The following MED9 variants were observed in gnomAD, a reference collection of about 807,000 sequenced individuals.
MED9 encodes mediator of RNA polymerase II transcription subunit 9.
A neutral mutation model predicts 13.2 loss-of-function variants in MED9; 8 were observed. That is an observed-to-expected ratio of 0.61 (90% CI 0.36 to 1.10). The LOEUF is 1.10. Ranked by LOEUF, MED9 falls within the 50% of genes least tolerant of loss-of-function variation. The pLI, the probability that MED9 is intolerant of heterozygous loss-of-function variation, is 0.02. For synonymous variants in MED9, 87 were observed against 82.8 expected, an observed-to-expected ratio of 1.05 and a Z score of -0.28; for missense variants, 180 against 193.4, an observed-to-expected ratio of 0.93 and a Z score of 0.41.
In MED9 at chr17:17,492,299, A is replaced by T. The variant is rs1258041630; in HGVS notation, c.*804A>T. 1 of 152,346 alleles carries T rather than the reference A, an allele frequency of 6.6e-6. No homozygotes were observed. The highest frequency in any genetic ancestry group is 2.4e-5 in the African/African-American group (1 of 41,466). 9.4% of individuals were successfully genotyped at this position (152,346 alleles called of 1,614,324 possible). A position where few individuals can be genotyped will look rare whatever the true frequency, so the allele number is the denominator to read the frequency against. On this transcript the variant is annotated 3_prime_UTR_variant, in exon 2 of 2. Coordinates refer to ENST00000268711, the MANE Select transcript of MED9 (RefSeq NM_018019.3). ...TGACAAGGGGCCGTCCTTTCCACAC[A>T]GGCCAGAAGAGGTCTTCAGGCGAAC...
At chr17:17,485,267 ATACAAAAAAAAATTTTTTTTTTGTATTT>A (rs1597850991) in intron 1 of MED9, 1 of 398,254 alleles carries the variant, frequency 2.5e-6, no homozygotes, top group African/African-American at 2.1e-5. Flanking sequence ...CTTTGTAAAA[ATACAAAAAAAAATTTTTTTTTTGTATTT>A]TTAGTAGAGA....
intron 1 of MED9, chr17:17,486,772 G>T (rs892942439): frequency 6.5e-5 from 10 of 153,246 alleles, no homozygotes; most frequent in African/African-American, 1.9e-4. Flanking sequence ...AGCTCCACCT[G>T]CAGCCCCGGT....
At chr17:17,486,624 C>G (rs12947363) in intron 1 of MED9, 1 of 155,298 alleles carries the variant, frequency 6.4e-6, no homozygotes, top group Non-Finnish European at 1.4e-5. Context: ...CCCGCCATGC[C>G]TGAGCCTCCC....
At chr17:17,489,953 T>C (rs577599698) in intron 1 of MED9, among the ~76,000 whole-genome samples, 9 of 152,226 alleles carry the variant, frequency 5.9e-5, no homozygotes, top group Non-Finnish European at 1.0e-4. Context: ...ATAGTAAACA[T>C]GAATTAGCAC....
At position 17,491,744 on chromosome 17, in the gene MED9, A is replaced by G. The variant is rs1361829461; in HGVS notation, c.*249A>G. ...TAATAACTGGAGTGCCTGCTGGTGG[A>G]AGTCAGAATGCTCCTGGAGGCTGCA... On this transcript the variant is annotated 3_prime_UTR_variant, in exon 2 of 2. Transcript: ENST00000268711. The G allele has an allele frequency of 2.0e-6, 1 of 490,862 alleles. No individual in the cohort carries two copies. The highest frequency in any genetic ancestry group is 3.7e-6 in the Non-Finnish European group (1 of 268,566). 30.4% of individuals were successfully genotyped at this position (490,862 alleles called of 1,614,324 possible). A position where few individuals can be genotyped will look rare whatever the true frequency, so the allele number is the denominator to read the frequency against.
In MED9 at chr17:17,491,898, C is replaced by T. The variant is rs1488140991; in HGVS notation, c.*403C>T. 3.5e-6 allele frequency: 1 copy of T among 286,638 alleles called. No individual in the cohort carries two copies. The highest frequency in any genetic ancestry group is 8.4e-5 in the East Asian group (1 of 11,898). The allele number at this position is 286,638 out of a possible 1,614,324, so 17.8% of individuals were successfully genotyped here. ...CTTTGCTTCCTTCCCTCTCTCTCCTCCCACCCCCATAGGATCAGTGTGTAC... is the reference window on the plus strand; with the variant it reads ...CTTTGCTTCCTTCCCTCTCTCTCCTTCCACCCCCATAGGATCAGTGTGTAC... On this transcript the variant is annotated 3_prime_UTR_variant, in exon 2 of 2. Transcript: ENST00000268711.
intron 1 of MED9, among the ~76,000 whole-genome samples, chr17:17,479,500 A>T (rs1904990114): frequency 1.4e-5 from 2 of 145,380 alleles, no homozygotes; most frequent in African/African-American, 5.2e-5. Flanking sequence ...TTCCATCTAA[A>T]AGGACAGAGA....
Position 17,477,052 on chromosome 17 carries a change from C to T in MED9, c.11C>T (p.Ala4Val). The change falls in exon 1 of 2, where the codon GCT becomes GTT. Residue 4 changes from alanine to valine, a missense_variant. By Grantham distance (64) the Ala-to-Val change is moderately conservative. Coordinates refer to ENST00000268711, the MANE Select transcript of MED9 (RefSeq NM_018019.3). ...CCTACCCCCGGAGCCATGGCCTCTG[C>T]TGGGGTGGCAGCCGGGCGACAGGCG... MASAGVAAGRQAED... is the reference protein window; with the variant it reads MASVGVAAGRQAED... 6.2e-7 allele frequency: 1 copy of T among 1,606,294 alleles called. No homozygotes were observed. The highest frequency in any genetic ancestry group is 1.1e-5 in the South Asian group (1 of 90,970).
chr17:17,491,492 G>T lies in MED9; in HGVS notation c.438G>T (p.Glu146Asp). The T allele has an allele frequency of 6.2e-7, 1 of 1,609,476 alleles. No individual in the cohort carries two copies. Among genetic ancestry groups the T allele is most frequent in the Non-Finnish European group, 8.5e-7 (1 of 1,176,014 alleles). ...TCTGCATGTTCGAAATCCCCAAGGA[G>T]TAGAGTGAGGCTGACTTCCTTAGAA... is the stretch of plus-strand genomic sequence containing the variant. ...KSLCMFEIPK[E>D] The change falls in exon 2 of 2, where the codon GAG becomes GAT. Residue 146 changes from glutamate to aspartate, a missense_variant. Coordinates refer to ENST00000268711, the MANE Select transcript of MED9 (RefSeq NM_018019.3).
intron 1 of MED9, among the ~76,000 whole-genome samples, chr17:17,484,471 A>G (rs896294775): frequency 6.6e-6 from 1 of 152,094 alleles, no homozygotes; most frequent in Non-Finnish European, 1.5e-5. Flanking sequence ...TCTTCTTCCC[A>G]CTCAAGTATC....
intron 1 of MED9, among the ~76,000 whole-genome samples, chr17:17,481,599 CTT>C (rs775652916): frequency 6.6e-6 from 1 of 152,304 alleles, no homozygotes; most frequent in East Asian, 1.9e-4. Flanking sequence ...TGATTAGTCT[CTT>C]TTGGCCACCT....
intron 1 of MED9, among the ~76,000 whole-genome samples, chr17:17,484,842 C>T (rs1044954004): frequency 6.6e-6 from 1 of 152,130 alleles, no homozygotes; most frequent in Non-Finnish European, 1.5e-5. Flanking sequence ...CCTTAGTGGG[C>T]GTGAGAAATG....
chr17:17,480,688 A>G (rs2142470148), intron 1 of MED9, among the ~76,000 whole-genome samples: 1 of 152,256 alleles, frequency 6.6e-6, no homozygotes, highest in African/African-American at 2.4e-5. Context: ...ACAGAGAGAG[A>G]GAGGAAAAAA....
At chr17:17,482,117 C>A (rs1905042458) in intron 1 of MED9, among the ~76,000 whole-genome samples, 1 of 152,144 alleles carries the variant, frequency 6.6e-6, no homozygotes, top group African/African-American at 2.4e-5. Flanking sequence ...TTTATGTAAA[C>A]AGTTTCTTGC....
chr17:17,489,291 C>T (rs535641825), intron 1 of MED9, among the ~76,000 whole-genome samples: 25 of 152,192 alleles, frequency 1.6e-4, no homozygotes, highest in Non-Finnish European at 2.9e-4. Flanking sequence ...CCAAAGAACA[C>T]GCAACCCTTG....
At chr17:17,477,448 C>T (rs1904943837) in intron 1 of MED9, 183 bp downstream of exon 1, 1 of 624,326 alleles carries the variant, frequency 1.6e-6, no homozygotes, top group East Asian at 3.0e-5. Flanking sequence ...GTTAAGCAAA[C>T]GATTTGAGCC....
intron 1 of MED9, chr17:17,485,669 C>T: frequency 1.3e-5 from 3 of 230,266 alleles, no homozygotes; most frequent in Non-Finnish European, 2.5e-5. Flanking sequence ...TTGCCATCTG[C>T]CAGACTCCAG....
chr17:17,487,421 G>A (rs937047169), intron 1 of MED9: 3 of 164,800 alleles, frequency 1.8e-5, no homozygotes, highest in Non-Finnish European at 2.6e-5. Flanking sequence ...AACACTCACC[G>A]CGAAGATCTG....
intron 1 of MED9, chr17:17,485,635 T>A (rs1168922300): frequency 3.4e-6 from 1 of 293,760 alleles, no homozygotes; most frequent in East Asian, 5.4e-5. Flanking sequence ...CGTCCCCTGC[T>A]GACAGCAAGT....
Sources: gnomAD v4.1 joint callset for allele counts (sites outside exome capture counted in the v4.1 genomes callset) on GRCh38, gnomAD v4.1.1 for gene constraint, MANE v1.5 for transcripts, NCBI Gene and HGNC (gene_info 2026-07-23, HGNC 2026-07-21) for gene names.